FOCAD: variants seen among roughly 807,000 people sequenced by gnomAD.
FOCAD encodes the protein focadhesin, also known as KIAA1797.
Under a neutral mutation model 225.6 loss-of-function variants are expected in FOCAD, and 198 were observed. The observed-to-expected ratio is 0.88, with a 90% CI of 0.78 to 0.99. The LOEUF is 0.99. Ranked by LOEUF, FOCAD falls within the 50% of genes least tolerant of loss-of-function variation. FOCAD has a pLI of 0.00. For missense variants in FOCAD, 2,713 were observed against 2,123.6 expected, an observed-to-expected ratio of 1.28 and a Z score of -5.46; for synonymous variants, 897 against 755.0, an observed-to-expected ratio of 1.19 and a Z score of -3.08.
Position 20,802,681 on chromosome 9 carries a change from G to A in FOCAD, c.1455+13073G>A, listed in dbSNP as rs185055587. Among the ~76,000 whole-genome samples, 31 of 152,168 alleles carry A rather than the reference G, an allele frequency of 2.0e-4. 1 individual carries two copies. The highest frequency in any genetic ancestry group is 1.3e-3 in the Admixed American group (20 of 15,284). On this transcript the variant is annotated intron_variant, in intron 11 of 43. Transcript: ENST00000338382. ...ATAGATGAAACACTGTAGAGTCCAG[G>A]GACAGGGTTTAGGTTAGGTTAGATT...
At chr9:20,750,705 C>G (rs1406499551) in intron 5 of FOCAD, among the ~76,000 whole-genome samples, 1 of 152,086 alleles carries the variant, frequency 6.6e-6, no homozygotes, top group Non-Finnish European at 1.5e-5. Flanking sequence ...TTTCTGTGGG[C>G]TCTTCCTGGA....
chr9:20,823,786 G>A (rs1468676577), intron 15 of FOCAD, among the ~76,000 whole-genome samples: 1 of 152,000 alleles, frequency 6.6e-6, no homozygotes, highest in African/African-American at 2.4e-5. Context: ...CCACCTTAAG[G>A]TTATGGTCAG....
intron 8 of FOCAD, among the ~76,000 whole-genome samples, chr9:20,772,317 G>T (rs528826907): frequency 6.6e-6 from 1 of 152,298 alleles, no homozygotes; most frequent in African/African-American, 2.4e-5. Flanking sequence ...TTGAAATTTA[G>T]GCTAGAAGTC....
chr9:20,872,997 A>T (rs1829926287), intron 18 of FOCAD: 1 of 152,058 alleles, frequency 6.6e-6, no homozygotes, highest in African/African-American at 2.4e-5. Flanking sequence ...TTTGTACTTT[A>T]TTCCTTTTTA....
At chr9:20,704,356 A>G (rs1255576871) in intron 1 of FOCAD, among the ~76,000 whole-genome samples, 1 of 152,220 alleles carries the variant, frequency 6.6e-6, no homozygotes, top group Non-Finnish European at 1.5e-5. Flanking sequence ...ATGCAAATTA[A>G]AATAGCTAAA....
intron 4 of FOCAD, among the ~76,000 whole-genome samples, chr9:20,732,414 C>G (rs1159991634): frequency 6.6e-6 from 1 of 152,064 alleles, no homozygotes; most frequent in African/African-American, 2.4e-5. Context: ...ATAGTATGTG[C>G]CAAGTTCCTG....
chr9:20,687,776 C>A (rs1419483244), intron 1 of FOCAD, among the ~76,000 whole-genome samples: 1 of 152,136 alleles, frequency 6.6e-6, no homozygotes, highest in Non-Finnish European at 1.5e-5. Flanking sequence ...CTTTAAGGAA[C>A]TTACAGTATT....
chr9:20,725,652 C>A (rs566210946), intron 4 of FOCAD, among the ~76,000 whole-genome samples: 2 of 152,312 alleles, frequency 1.3e-5, no homozygotes, highest in South Asian at 4.1e-4. Flanking sequence ...CTTTGGAACA[C>A]GTATGGAAGC....
chr9:20,779,959 C>G (rs1008875245), intron 9 of FOCAD, among the ~76,000 whole-genome samples: 3 of 152,178 alleles, frequency 2.0e-5, no homozygotes, highest in African/African-American at 7.2e-5. Context: ...TACCTTCCCT[C>G]CACAGTCTGA....
At chr9:20,703,405 C>G (rs1218213044) in intron 1 of FOCAD, among the ~76,000 whole-genome samples, 3 of 152,008 alleles carry the variant, frequency 2.0e-5, no homozygotes, top group Admixed American at 6.6e-5. Flanking sequence ...AGTTGCAAGA[C>G]CAGAACCTTT....
intron 20 of FOCAD, among the ~76,000 whole-genome samples, chr9:20,883,323 T>C (rs1830834919): frequency 6.6e-6 from 1 of 152,192 alleles, no homozygotes; most frequent in Non-Finnish European, 1.5e-5. Context: ...AACTTTAAAA[T>C]ATCTTTTTCA....
chr9:20,740,414 C>A, intron 5 of FOCAD, 74 bp downstream of exon 5: 2 of 848,430 alleles, frequency 2.4e-6, no homozygotes, highest in Non-Finnish European at 3.7e-6. Flanking sequence ...ACATGATAAT[C>A]CAGTAAGAAT....
chr9:20,928,104 T>A (rs911022602), intron 26 of FOCAD, among the ~76,000 whole-genome samples: 1 of 152,194 alleles, frequency 6.6e-6, no homozygotes, highest in Admixed American at 6.5e-5. Flanking sequence ...ATGGAGGTCT[T>A]TGCAATAACT....
chr9:20,698,255 A>G (rs1466347412), intron 1 of FOCAD, among the ~76,000 whole-genome samples: 2 of 152,154 alleles, frequency 1.3e-5, no homozygotes, highest in Admixed American at 1.3e-4. Flanking sequence ...ATAATCATCC[A>G]TCATCCTGTT....
chr9:20,729,461 A>G (rs1192969878), intron 4 of FOCAD, among the ~76,000 whole-genome samples: 2 of 152,168 alleles, frequency 1.3e-5, no homozygotes, highest in Non-Finnish European at 2.9e-5. Flanking sequence ...TCATCCCAAG[A>G]TACTTAATTT....
At chr9:20,777,068 C>T (rs1307408462) in intron 8 of FOCAD, among the ~76,000 whole-genome samples, 3 of 151,860 alleles carry the variant, frequency 2.0e-5, no homozygotes, top group Non-Finnish European at 2.9e-5. Flanking sequence ...TAAAAATTCA[C>T]GAATTTTTTT....
At chr9:20,789,672 T>G in intron 11 of FOCAD, 64 bp downstream of exon 11, 1 of 1,576,612 alleles carries the variant, frequency 6.3e-7, no homozygotes. Flanking sequence ...ATGTAGATTA[T>G]TCCTGCTTTG....
intron 3 of FOCAD, 112 bp downstream of exon 3, chr9:20,717,980 T>G (rs1439449454): frequency 1.3e-6 from 1 of 765,888 alleles, no homozygotes; most frequent in East Asian, 2.7e-5. Flanking sequence ...AGAAATGCTT[T>G]TGAACTGTGA....
Position 20,753,846 on chromosome 9 carries a change from T to C in FOCAD, c.393-4244T>C, listed in dbSNP as rs28461410. On this transcript the variant is annotated intron_variant, in intron 5 of 43. Transcript: ENST00000338382. ...TGTTTGTGTTTATTTTTTCAAAACT[T>C]GTATAGGTTATTGTCTGCTACTGTT... Among the ~76,000 whole-genome samples the C allele has an allele frequency of 7.7e-3, 1,175 of 152,054 alleles. 16 individuals carry two copies. Among genetic ancestry groups the C allele is most frequent in the African/African-American group, 0.028 (1,139 of 41,342 alleles).
Sources: gnomAD v4.1 joint callset for allele counts (sites outside exome capture counted in the v4.1 genomes callset) on GRCh38, gnomAD v4.1.1 for gene constraint, MANE v1.5 for transcripts, NCBI Gene and HGNC (gene_info 2026-07-23, HGNC 2026-07-21) for gene names.